Variants in MPRIP observed in about 807,000 individuals in gnomAD.
MPRIP encodes the protein myosin phosphatase Rho interacting protein, also known as myosin phosphatase Rho-interacting protein.
Under a neutral mutation model 234.9 loss-of-function variants are expected in MPRIP, and 59 were observed. The observed-to-expected ratio is 0.25, with a 90% CI of 0.20 to 0.31. MPRIP has a LOEUF of 0.31. Among genes scored for constraint, MPRIP ranks in the 10% least tolerant of loss-of-function variants. The pLI is 1.00. For missense variants in MPRIP, 2,436 were observed against 3,071.0 expected (o/e 0.79, Z 4.89); for synonymous variants, 1,144 against 1,263.9 (o/e 0.91, Z 2.01).
chr17:17,186,495 A>G lies in MPRIP; in HGVS notation c.*1601A>G, dbSNP rs1028327700. ...CAAGTTTTTAAGGCTCTTAACCCAC[A>G]CTTTCACTCCTCTGCTACTAGTCTT... On this transcript the variant is annotated 3_prime_UTR_variant, in exon 24 of 24. Coordinates refer to ENST00000651222, the MANE Select transcript of MPRIP (RefSeq NM_001364716.4). 1 of 152,184 alleles carries G rather than the reference A, an allele frequency of 6.6e-6. No homozygotes were observed. The highest frequency in any genetic ancestry group is 1.5e-5 in the Non-Finnish European group (1 of 68,028). 9.4% of individuals were successfully genotyped at this position (152,184 alleles called of 1,614,324 possible). A position where few individuals can be genotyped will look rare whatever the true frequency, so the allele number is the denominator to read the frequency against.
In MPRIP at chr17:17,165,563, C is replaced by T. The variant is rs1371571853; in HGVS notation, c.3972C>T (p.Phe1324=). The part of the protein sequence containing the change: ...APGVKRQRIR[F]STIQCQRYIH... ...GTGTTAAAAGGCAAAGAATCCGGTT[C>T]TCCACAATCCAGTGCCAAAGATACA... Residue 1324 remains phenylalanine, a synonymous_variant, in exon 16 of 24, where the codon TTC becomes TTT. Transcript: ENST00000651222. The T allele has an allele frequency of 4.6e-6, 6 of 1,304,694 alleles. No homozygotes were observed. Among genetic ancestry groups the T allele is most frequent in the Non-Finnish European group, 6.1e-6 (6 of 989,024 alleles). 80.8% of individuals were successfully genotyped at this position (1,304,694 alleles called of 1,614,324 possible). A position where few individuals can be genotyped will look rare whatever the true frequency, so the allele number is the denominator to read the frequency against.
At chr17:17,137,329 C>G (rs573988968) in intron 6 of MPRIP, among the ~76,000 whole-genome samples, 1 of 152,064 alleles carries the variant, frequency 6.6e-6, no homozygotes, top group Admixed American at 6.5e-5. Context: ...GCCTGGCCAA[C>G]ATAGTGAAAT....
rs111679338 is a variant in MPRIP, at chr17:17,077,748, G to T, written c.202-263G>T. The T allele has an allele frequency of 2.8e-5, 10 of 360,414 alleles. No homozygotes were observed. In the African/African-American group the frequency reaches 2.9e-4, roughly 11 times the overall value. 22.3% of individuals were successfully genotyped at this position (360,414 alleles called of 1,614,324 possible). On this transcript the variant is annotated intron_variant, in intron 2 of 23. Coordinates refer to ENST00000651222, the MANE Select transcript of MPRIP (RefSeq NM_001364716.4). ...GTTTCTGCTCCTGAGGAGCTTCCAA[G>T]TGTTAAAAAAAAAAAAAAAAAAAGA...
At chr17:17,145,153 C>T (rs182890447) in intron 9 of MPRIP, among the ~76,000 whole-genome samples, 5 of 152,320 alleles carry the variant, frequency 3.3e-5, no homozygotes, top group Admixed American at 2.6e-4. Context: ...TAGGCAGCAG[C>T]GGACTGTGGT....
At chr17:17,115,369 G>A (rs1048994536) in intron 3 of MPRIP, among the ~76,000 whole-genome samples, 1 of 152,202 alleles carries the variant, frequency 6.6e-6, no homozygotes, top group Non-Finnish European at 1.5e-5. Flanking sequence ...AGGAAGCCTG[G>A]GCCTGAGTTT....
Position 17,164,701 on chromosome 17 carries a change from T to C in MPRIP, c.3110T>C (p.Leu1037Pro). Residue 1037 changes from leucine (L) to proline (P), a missense_variant, in exon 16 of 24, where the codon CTG becomes CCG. Around this residue, in one of 4 missense-constraint regions of MPRIP, gnomAD observed 1,998 missense variants for 2,520.3 expected, o/e 0.79. Coordinates refer to ENST00000651222, the MANE Select transcript of MPRIP (RefSeq NM_001364716.4). ...ESCEKEKQALLQNLKEVEDKA... is the reference protein window; with the variant it reads ...ESCEKEKQALPQNLKEVEDKA... ...TGTGAGAAGGAGAAGCAGGCATTGC[T>C]GCAGAACCTAAAGGAAGTGGAAGAC... is the stretch of plus-strand genomic sequence containing the variant. 1 of 1,280,196 alleles carries C rather than the reference T, an allele frequency of 7.8e-7. No homozygotes were observed. Among genetic ancestry groups the C allele is most frequent in the Non-Finnish European group, 1.0e-6 (1 of 979,594 alleles). The allele number at this position is 1,280,196 out of a possible 1,614,324, so 79.3% of individuals were successfully genotyped here.
intron 3 of MPRIP, among the ~76,000 whole-genome samples, chr17:17,086,471 C>G (rs527984634): frequency 6.6e-6 from 1 of 152,284 alleles, no homozygotes; most frequent in East Asian, 1.9e-4. Context: ...GAGGTCTGAA[C>G]CAGTGCGGTG....
At position 17,177,283 on chromosome 17, in the gene MPRIP, A is replaced by T. The variant is rs760545497; in HGVS notation, c.6991A>T (p.Ile2331Phe). ...KKYASDKYKD[I>F]YTELSIAKAK... Reference sequence around the variant, plus strand: ...GTACGCAAGTGACAAGTACAAAGACATCTACACAGAGCTCAGCATCGCGAA... The same window carrying T: ...GTACGCAAGTGACAAGTACAAAGACTTCTACACAGAGCTCAGCATCGCGAA... Residue 2331 changes from isoleucine (I) to phenylalanine (F), a missense_variant, in exon 22 of 24, where the codon ATC becomes TTC. This residue lies in a region of MPRIP where 1,998 missense variants were observed against 2,520.3 expected (regional missense o/e 0.79). Coordinates refer to ENST00000651222, the MANE Select transcript of MPRIP (RefSeq NM_001364716.4). The T allele has an allele frequency of 6.2e-7, 1 of 1,614,080 alleles. No homozygotes were observed. Among genetic ancestry groups the T allele is most frequent in the South Asian group, 1.1e-5 (1 of 91,084 alleles).
At chr17:17,180,518 C>G in intron 23 of MPRIP, 1 of 1,186,898 alleles carries the variant, frequency 8.4e-7, no homozygotes, top group South Asian at 1.2e-5. Context: ...CAGAGCCAGC[C>G]ATGCACAGGA....
intron 1 of MPRIP, among the ~76,000 whole-genome samples, chr17:17,051,182 AG>A (rs2088530119): frequency 6.6e-6 from 1 of 152,248 alleles, no homozygotes; most frequent in Admixed American, 6.5e-5. Flanking sequence ...CTCTGGGGGA[AG>A]TAGCCTTTCT....
intron 13 of MPRIP, 53 bp from the exon 14 acceptor site, chr17:17,158,379 A>G: frequency 1.4e-6 from 2 of 1,468,788 alleles, no homozygotes; most frequent in South Asian, 1.4e-5. Flanking sequence ...TCTGCCTGGC[A>G]GGCCACACCA....
intron 3 of MPRIP, among the ~76,000 whole-genome samples, chr17:17,114,526 C>T (rs764845782): frequency 3.3e-5 from 5 of 152,110 alleles, no homozygotes; most frequent in Non-Finnish European, 7.3e-5. Context: ...GTCTTCTGTG[C>T]ATTTTATAGC....
chr17:17,043,577 AT>A (rs2088250304), intron 1 of MPRIP, among the ~76,000 whole-genome samples: 1 of 152,054 alleles, frequency 6.6e-6, no homozygotes, highest in African/African-American at 2.4e-5. Flanking sequence ...GGGAAAGTTG[AT>A]TTCTGTCTCC....
chr17:17,136,159 T>G, intron 5 of MPRIP, 60 bp from the exon 6 acceptor site: 2 of 1,599,634 alleles, frequency 1.3e-6, no homozygotes, highest in Non-Finnish European at 1.7e-6. Flanking sequence ...CCAGGACCTG[T>G]GACCCAACCT....
At chr17:17,096,048 G>T (rs2089831489) in intron 3 of MPRIP, among the ~76,000 whole-genome samples, 1 of 152,078 alleles carries the variant, frequency 6.6e-6, no homozygotes. Context: ...GCAGGCAATT[G>T]AACATTCTGG....
intron 4 of MPRIP, among the ~76,000 whole-genome samples, chr17:17,128,744 T>C (rs1261057365): frequency 6.6e-6 from 1 of 152,160 alleles, no homozygotes; most frequent in Non-Finnish European, 1.5e-5. Flanking sequence ...TCCCACAAGC[T>C]GGGATGCTCA....
At chr17:17,157,306 CAGCACCATG>C (rs1454010720) in intron 13 of MPRIP, among the ~76,000 whole-genome samples, 1 of 152,230 alleles carries the variant, frequency 6.6e-6, no homozygotes, top group African/African-American at 2.4e-5. Flanking sequence ...GGGCAGGTAG[CAGCACCATG>C]AGCACGACCT....
intron 10 of MPRIP, 50 bp downstream of exon 10, chr17:17,146,142 AG>A: frequency 6.4e-7 from 1 of 1,551,312 alleles, no homozygotes; most frequent in African/African-American, 1.4e-5. Flanking sequence ...GGACAGGGTG[AG>A]GGTGAGCTGT....
intron 1 of MPRIP, among the ~76,000 whole-genome samples, chr17:17,055,393 G>C (rs1054939517): frequency 1.3e-5 from 2 of 152,158 alleles, no homozygotes; most frequent in Non-Finnish European, 2.9e-5. Flanking sequence ...TGGGGAGCCG[G>C]GTCTAGTCCC....
Sources: gnomAD v4.1 joint callset for allele counts (sites outside exome capture counted in the v4.1 genomes callset) on GRCh38, gnomAD v4.1.1 for gene constraint, gnomAD v4.1.1 regional missense constraint, MANE v1.5 for transcripts, NCBI Gene and HGNC (gene_info 2026-07-23, HGNC 2026-07-21) for gene names.